SLC39A11: variants seen among roughly 807,000 people sequenced by gnomAD.
SLC39A11 encodes solute carrier family 39 member 11.
A neutral mutation model predicts 36.1 loss-of-function variants in SLC39A11; 33 were observed. The observed-to-expected ratio is 0.91, with a 90% CI of 0.69 to 1.22. The LOEUF is 1.22. Ranked by LOEUF, SLC39A11 falls within the 50% of genes most tolerant of loss-of-function variation. SLC39A11 has a pLI of 0.00. For synonymous variants in SLC39A11, 166 were observed against 170.3 expected, an observed-to-expected ratio of 0.97 and a Z score of 0.20; for missense variants, 432 against 430.3, an observed-to-expected ratio of 1.00 and a Z score of -0.03.
rs2078985089 is a variant in SLC39A11 at position 72,844,954 on chromosome 17, T to C, written c.601+4680A>G. On this transcript the variant is annotated intron_variant, in intron 6 of 9. Transcript: ENST00000255559. ...CCGGGTCCCTCCTGGCTCCTCGCTT[T>C]CTCTCATATCCCACATCCAATCCAT... 2.0e-5 allele frequency among the ~76,000 whole-genome samples: 3 copies of C among 152,226 alleles called. No homozygotes were observed. In the South Asian group the frequency reaches 6.2e-4, roughly 32 times the overall value.
At chr17:72,888,018 T>C (rs2146667098) in intron 5 of SLC39A11, among the ~76,000 whole-genome samples, 1 of 152,336 alleles carries the variant, frequency 6.6e-6, no homozygotes, top group South Asian at 2.1e-4. Flanking sequence ...ACTCAAGTCA[T>C]TATTTCTAAA....
At chr17:72,982,279 A>C (rs928017426) in intron 4 of SLC39A11, among the ~76,000 whole-genome samples, 2 of 152,200 alleles carry the variant, frequency 1.3e-5, no homozygotes, top group African/African-American at 4.8e-5. Flanking sequence ...AAAAGGGAAA[A>C]TTCACAAATA....
chr17:72,908,576 A>G (rs2082789361), intron 5 of SLC39A11, among the ~76,000 whole-genome samples: 1 of 152,226 alleles, frequency 6.6e-6, no homozygotes, highest in African/African-American at 2.4e-5. Flanking sequence ...CAGGTCACAC[A>G]GGCCATCGAG....
intron 4 of SLC39A11, among the ~76,000 whole-genome samples, chr17:72,978,209 TCTTC>T (rs772303600): frequency 2.8e-4 from 43 of 151,756 alleles, no homozygotes; most frequent in South Asian, 1.7e-3. Flanking sequence ...TTCCTCTTCC[TCTTC>T]CTTCCTTCCT....
intron 4 of SLC39A11, among the ~76,000 whole-genome samples, chr17:73,020,208 C>T (rs981490453): frequency 2.0e-5 from 3 of 152,160 alleles, no homozygotes; most frequent in Non-Finnish European, 2.9e-5. Flanking sequence ...GAAAAAAATT[C>T]ATTTGTTGGA....
At chr17:72,656,862 G>A (rs2070150662) in intron 7 of SLC39A11, among the ~76,000 whole-genome samples, 1 of 152,018 alleles carries the variant, frequency 6.6e-6, no homozygotes, top group Non-Finnish European at 1.5e-5. Context: ...AAACATCGAA[G>A]GCCGGGCATG....
rs3060856 is a variant in SLC39A11 at position 72,798,418 on chromosome 17, C to CT, written c.601+51215dup. 4.9e-3 allele frequency among the ~76,000 whole-genome samples: 700 copies of CT among 143,020 alleles called. 10 individuals are homozygous for CT. The highest frequency in any genetic ancestry group is 0.015 in the African/African-American group (577 of 38,758). The allele number at this position is 143,020 out of a possible 152,430, so 93.8% of individuals were successfully genotyped here. ...TCTGGTCTCTTCCACTTCTTTCTTT[C>CT]TTTTTTTTTTTTTGAGATGGAGCCT... On this transcript the variant is annotated intron_variant, in intron 6 of 9. Transcript: ENST00000255559.
chr17:72,715,496 C>T (rs2073317558), intron 7 of SLC39A11, among the ~76,000 whole-genome samples: 1 of 152,158 alleles, frequency 6.6e-6, no homozygotes, highest in African/African-American at 2.4e-5. Flanking sequence ...CACGTTACAA[C>T]ATGATGACCC....
intron 4 of SLC39A11, among the ~76,000 whole-genome samples, chr17:72,990,642 G>A (rs1568080895): frequency 6.6e-6 from 1 of 152,086 alleles, no homozygotes; most frequent in African/African-American, 2.4e-5. Context: ...TGGCCAGGCT[G>A]GTCTCAAACT....
Position 72,979,141 on chromosome 17 carries a change from C to T in SLC39A11, c.307-31266G>A, listed in dbSNP as rs549691052. Among the ~76,000 whole-genome samples, 38 of 152,210 alleles carry T rather than the reference C, an allele frequency of 2.5e-4. No homozygotes were observed. In the East Asian group the frequency reaches 4.5e-3, roughly 18 times the overall value. On this transcript the variant is annotated intron_variant, in intron 4 of 9. Transcript: ENST00000255559. The stretch of plus-strand genomic sequence containing the variant: ...TCTCGTGATAGTGAGTGAGTTCTCA[C>T]GAGATCTGATGGTTTTATAAGGGGC...
At chr17:72,776,710 TTATA>T (rs4036980) in intron 6 of SLC39A11, among the ~76,000 whole-genome samples, 32,759 of 151,036 alleles carry the variant, frequency 0.22, 5,421 homozygotes, top group African/African-American at 0.47. Context: ...TCTAGCGGCA[TTATA>T]TATATACCCG....
intron 5 of SLC39A11, among the ~76,000 whole-genome samples, chr17:72,858,708 G>A (rs2079794337): frequency 6.6e-6 from 1 of 152,166 alleles, no homozygotes; most frequent in South Asian, 2.1e-4. Context: ...CTGGTTAGCT[G>A]TATTCCTAGG....
At chr17:72,647,821 T>A (rs575286864) in intron 9 of SLC39A11, among the ~76,000 whole-genome samples, 159 bp from the exon 10 acceptor site, 1 of 152,190 alleles carries the variant, frequency 6.6e-6, no homozygotes, top group Non-Finnish European at 1.5e-5. Flanking sequence ...GGCAAACTAA[T>A]GAACCATGGA....
chr17:72,903,874 C>T (rs1445261500), intron 5 of SLC39A11, among the ~76,000 whole-genome samples: 2 of 152,158 alleles, frequency 1.3e-5, no homozygotes, highest in Non-Finnish European at 2.9e-5. Context: ...CATGCCCCAC[C>T]TCCCTCTCAC....
At chr17:72,686,042 A>T (rs551975289) in intron 7 of SLC39A11, among the ~76,000 whole-genome samples, 1 of 151,880 alleles carries the variant, frequency 6.6e-6, no homozygotes, top group African/African-American at 2.4e-5. Context: ...AAAAAAAAAA[A>T]AAATCTATTG....
intron 7 of SLC39A11, among the ~76,000 whole-genome samples, chr17:72,654,140 T>TATAGGGGCAGGACAAAAGGGTCA (rs2069995321): frequency 6.6e-6 from 1 of 152,150 alleles, no homozygotes; most frequent in Non-Finnish European, 1.5e-5. Context: ...CTAGCCAGTC[T>TATAGGGGCAGGACAAAAGGGTCA]ATAGGGGCAG....
chr17:72,992,841 C>T (rs770500039), intron 4 of SLC39A11: 5 of 152,362 alleles, frequency 3.3e-5, no homozygotes, highest in Non-Finnish European at 5.9e-5. Flanking sequence ...AATAAAGACA[C>T]ACCCGAGACT....
At chr17:73,080,157 A>C (rs1431443495) in intron 3 of SLC39A11, among the ~76,000 whole-genome samples, 2 of 152,196 alleles carry the variant, frequency 1.3e-5, no homozygotes, top group East Asian at 3.9e-4. Flanking sequence ...GTATGGAACC[A>C]AAAAAGAGCC....
intron 7 of SLC39A11, among the ~76,000 whole-genome samples, chr17:72,696,228 GA>G (rs2072293630): frequency 6.6e-6 from 1 of 152,014 alleles, no homozygotes; most frequent in African/African-American, 2.4e-5. Flanking sequence ...GTCCAAGGTG[GA>G]GATCGGAAAG....
Sources: gnomAD v4.1 joint callset for allele counts (sites outside exome capture counted in the v4.1 genomes callset) on GRCh38, gnomAD v4.1.1 for gene constraint, MANE v1.5 for transcripts, NCBI Gene and HGNC (gene_info 2026-07-23, HGNC 2026-07-21) for gene names.